Variants in UVSSA observed in about 807,000 individuals in gnomAD.
The protein encoded by UVSSA is UV-stimulated scaffold protein A.
Under a neutral mutation model 73.9 loss-of-function variants are expected in UVSSA, and 72 were observed. The observed-to-expected ratio is 0.97, with a 90% CI of 0.81 to 1.19. UVSSA has a LOEUF of 1.19. UVSSA is among the 50% of genes most tolerant of loss of function. The pLI is 0.00. For missense variants in UVSSA, 1,150 were observed against 965.0 expected, an observed-to-expected ratio of 1.19 and a Z score of -2.54; for synonymous variants, 454 against 391.3, an observed-to-expected ratio of 1.16 and a Z score of -1.89.
intron 1 of UVSSA, 42 bp from the exon 2 acceptor site, chr4:1,348,048 A>T (rs1178509914): frequency 5.3e-6 from 8 of 1,499,792 alleles, no homozygotes; most frequent in Non-Finnish European, 7.4e-6. Context: ...GAGCTATAAA[A>T]TACAGATGGT....
At chr4:1,395,495 A>C in exon 14 of UVSSA, 1 of 1,483,530 alleles carries the variant, frequency 6.7e-7, no homozygotes, top group Non-Finnish European at 9.0e-7. Context: ...GCCATTGTGG[A>C]GTGCCCGCCT....
At chr4:1,349,969 G>A in intron 3 of UVSSA, 115 bp downstream of exon 3, 1 of 1,054,790 alleles carries the variant, frequency 9.5e-7, no homozygotes, top group Non-Finnish European at 1.3e-6. Flanking sequence ...GGCCTGCTTG[G>A]CCTTGCCTGA....
Position 1,349,424 on chromosome 4 carries a change from G to A in UVSSA, c.99-100G>A. The A allele has an allele frequency of 4.4e-6, 5 of 1,146,792 alleles. No homozygotes were observed. The East Asian group carries it at 1.2e-4, about 29-fold the overall frequency. The allele number at this position is 1,146,792 out of a possible 1,614,324, so 71.0% of individuals were successfully genotyped here. A position where few individuals can be genotyped will look rare whatever the true frequency, so the allele number is the denominator to read the frequency against. On this transcript the variant is annotated intron_variant, in intron 2 of 13. Coordinates refer to ENST00000389851, the MANE Select transcript of UVSSA (RefSeq NM_020894.4). ...GAATGAAGATGGGAAGGCAGTGGTG[G>A]TCCCTGCCACACGTGCGTGCGGCAT...
chr4:1,343,534 G>C (rs547305976), upstream of UVSSA, among the ~76,000 whole-genome samples: 1 of 151,982 alleles, frequency 6.6e-6, no homozygotes, highest in Non-Finnish European at 1.5e-5. Flanking sequence ...GATCCTTCTC[G>C]CATCTAAGGT....
chr4:1,371,950 C>T (rs1207740853), intron 8 of UVSSA, among the ~76,000 whole-genome samples: 1 of 152,208 alleles, frequency 6.6e-6, no homozygotes, highest in East Asian at 1.9e-4. Context: ...TCGCCGAAGT[C>T]CCCACAGTCA....
chr4:1,365,921 G>A (rs1214219481), intron 7 of UVSSA, among the ~76,000 whole-genome samples: 1 of 150,958 alleles, frequency 6.6e-6, no homozygotes, highest in East Asian at 1.9e-4. Flanking sequence ...ACTGCCCTAA[G>A]CCTCGGGGGC....
intron 8 of UVSSA, among the ~76,000 whole-genome samples, chr4:1,367,509 C>G (rs1393990613): frequency 6.6e-6 from 1 of 152,216 alleles, no homozygotes; most frequent in East Asian, 1.9e-4. Context: ...AGGCTTCTAA[C>G]GACCTTCCAT....
chr4:1,375,755 TGA>T (rs1718688162), intron 9 of UVSSA, among the ~76,000 whole-genome samples: 1 of 152,196 alleles, frequency 6.6e-6, no homozygotes, highest in South Asian at 2.1e-4. Context: ...CCCGTGCCTC[TGA>T]GAGGAGCCCC....
intron 4 of UVSSA, 39 bp downstream of exon 4, chr4:1,351,874 A>G: frequency 6.2e-7 from 1 of 1,605,532 alleles, no homozygotes; most frequent in South Asian, 1.1e-5. Flanking sequence ...CACGCCTCTG[A>G]GGGTTGCCCG....
chr4:1,391,406 A>G (rs1251657978), downstream of UVSSA: 2 of 152,176 alleles, frequency 1.3e-5, no homozygotes, highest in African/African-American at 2.4e-5. Context: ...GCCCAGTTAT[A>G]TTGATATTGA....
downstream of UVSSA, chr4:1,389,274 C>T (rs545319873): frequency 1.3e-5 from 2 of 152,384 alleles, no homozygotes; most frequent in African/African-American, 4.8e-5. Flanking sequence ...TAGCTCACTC[C>T]AACCTCAGAC....
chr4:1,393,227 T>G (rs773341548), exon 14 of UVSSA: 1 of 152,242 alleles, frequency 6.6e-6, no homozygotes, highest in East Asian at 1.9e-4. Context: ...CTCTAGTGAA[T>G]TTTTCATTTC....
intron 10 of UVSSA, among the ~76,000 whole-genome samples, chr4:1,378,080 T>C (rs929450535): frequency 6.6e-6 from 1 of 152,212 alleles, no homozygotes; most frequent in African/African-American, 2.4e-5. Flanking sequence ...TCCTGCCCTC[T>C]GGCTCTCAGC....
At chr4:1,361,646 C>G (rs1716649760) in intron 7 of UVSSA, among the ~76,000 whole-genome samples, 1 of 152,264 alleles carries the variant, frequency 6.6e-6, no homozygotes, top group Non-Finnish European at 1.5e-5. Context: ...CGGAGATGCA[C>G]ATGAGATATT....
At chr4:1,360,018 C>T (rs1716389290) in intron 7 of UVSSA, among the ~76,000 whole-genome samples, 1 of 152,224 alleles carries the variant, frequency 6.6e-6, no homozygotes, top group Non-Finnish European at 1.5e-5. Flanking sequence ...GAAACGTGGA[C>T]CCACCAGGCA....
At chr4:1,364,710 G>A (rs1324858925) in intron 7 of UVSSA, among the ~76,000 whole-genome samples, 5 of 152,092 alleles carry the variant, frequency 3.3e-5, no homozygotes, top group South Asian at 2.1e-4. Context: ...GAATGCAGGC[G>A]CCTCCATCCC....
chr4:1,369,568 G>C (rs1337655072), intron 8 of UVSSA, among the ~76,000 whole-genome samples: 1 of 152,196 alleles, frequency 6.6e-6, no homozygotes, highest in Non-Finnish European at 1.5e-5. Context: ...TTCACTGAGG[G>C]GCCTTTATCT....
At chr4:1,380,318 C>G (rs990504264) in intron 11 of UVSSA, 88 bp downstream of exon 11, 32 of 1,468,266 alleles carry the variant, frequency 2.2e-5, no homozygotes, top group Non-Finnish European at 2.8e-5. Flanking sequence ...TGCCCCTGCC[C>G]TGGGTCAGGG....
At chr4:1,344,040 CT>C (rs143830793), upstream of UVSSA, among the ~76,000 whole-genome samples, 81 of 145,516 alleles carry the variant, frequency 5.6e-4, no homozygotes, top group Admixed American at 5.5e-4. Context: ...TTTCTTCTGG[CT>C]TTTTTTTTTG....
Sources: gnomAD v4.1 joint callset for allele counts (sites outside exome capture counted in the v4.1 genomes callset) on GRCh38, gnomAD v4.1.1 for gene constraint, MANE v1.5 for transcripts, NCBI Gene and HGNC (gene_info 2026-07-23, HGNC 2026-07-21) for gene names.